Variants in NSMCE2 observed in about 807,000 individuals in gnomAD.
The protein encoded by NSMCE2 is NSE2 SUMO ligase component of SMC5/6 complex, also known as E3 SUMO-protein ligase NSE2.
NSMCE2 carries 24 observed loss-of-function variants against 23.8 expected under a neutral mutation model. The observed-to-expected ratio is 1.01, with a 90% CI of 0.73 to 1.42. The LOEUF (loss-of-function observed/expected upper bound fraction) is 1.42. Among genes scored for constraint, NSMCE2 ranks in the 40% most tolerant of loss-of-function variants. The pLI is 0.00. For missense variants in NSMCE2, 284 were observed against 296.5 expected, an observed-to-expected ratio of 0.96 and a Z score of 0.31; for synonymous variants, 92 against 94.1, an observed-to-expected ratio of 0.98 and a Z score of 0.13.
chr8:125,281,032 G>A (rs184275316), intron 5 of NSMCE2, among the ~76,000 whole-genome samples: 338 of 152,288 alleles, frequency 2.2e-3, no homozygotes, highest in African/African-American at 7.7e-3. Context: ...AGAATGGGTC[G>A]GTGAATGCAG....
intron 5 of NSMCE2, among the ~76,000 whole-genome samples, chr8:125,304,236 T>C (rs1345604186): frequency 2.0e-5 from 3 of 152,202 alleles, no homozygotes; most frequent in African/African-American, 7.2e-5. Context: ...TTCATTTGCA[T>C]TGTTGTGATG....
chr8:125,250,124 G>A (rs970287402), intron 5 of NSMCE2, among the ~76,000 whole-genome samples: 3 of 152,100 alleles, frequency 2.0e-5, no homozygotes, highest in Admixed American at 6.6e-5. Flanking sequence ...CAAGTAGCTG[G>A]TACTACAGTC....
rs1270010891 is a variant in NSMCE2, at chr8:125,154,131, T to A, written c.264+2854T>A. 2.6e-5 allele frequency among the ~76,000 whole-genome samples: 4 copies of A among 152,216 alleles called. No homozygotes were observed. The East Asian group carries it at 7.7e-4, about 29-fold the overall frequency. On this transcript the variant is annotated intron_variant, in intron 4 of 7. Coordinates refer to ENST00000287437, the MANE Select transcript of NSMCE2 (RefSeq NM_173685.4). ...ACTTTTGCAAATTGCGATACTTCCG[T>A]TACTATAATATTTGCCTAGATTCAA...
rs149117071 is a variant in NSMCE2 at position 125,136,061 on chromosome 8, C to G, written c.158-15110C>G. On this transcript the variant is annotated intron_variant, in intron 3 of 7. Transcript: ENST00000287437. ...TTCTAGTCACTCTTGTTCTTTCCTC[C>G]TTGCATGATGATGTCCAGTATCTTA... 4.6e-3 allele frequency among the ~76,000 whole-genome samples: 703 copies of G among 152,290 alleles called. 4 individuals are homozygous for G. Among genetic ancestry groups the G allele is most frequent in the African/African-American group, 0.016 (680 of 41,556 alleles).
intron 5 of NSMCE2, among the ~76,000 whole-genome samples, chr8:125,188,188 T>C (rs1318745046): frequency 6.6e-6 from 1 of 152,240 alleles, no homozygotes; most frequent in African/African-American, 2.4e-5. Flanking sequence ...TTAAGTCTTC[T>C]CAGGAACATT....
At chr8:125,286,033 A>G (rs187521331) in intron 5 of NSMCE2, among the ~76,000 whole-genome samples, 339 of 151,926 alleles carry the variant, frequency 2.2e-3, no homozygotes, top group African/African-American at 7.8e-3. Context: ...AGAACAGTCC[A>G]CTAGCAGCAC....
intron 4 of NSMCE2, among the ~76,000 whole-genome samples, chr8:125,159,986 G>A (rs1465816961): frequency 6.6e-6 from 1 of 151,880 alleles, no homozygotes; most frequent in African/African-American, 2.4e-5. Context: ...TGTTCAGTTG[G>A]TGCCAATAGT....
At chr8:125,352,959 C>G (rs114290256) in intron 5 of NSMCE2, among the ~76,000 whole-genome samples, 5 of 152,152 alleles carry the variant, frequency 3.3e-5, no homozygotes, top group African/African-American at 1.2e-4. Context: ...CTTACTCACT[C>G]GTGACATTCT....
chr8:125,364,052 T>C (rs186178457), intron 7 of NSMCE2, among the ~76,000 whole-genome samples: 1 of 152,216 alleles, frequency 6.6e-6, no homozygotes, highest in African/African-American at 2.4e-5. Context: ...CAAGTGATTT[T>C]CCTGCCTCAG....
At chr8:125,279,428 T>G (rs555575159) in intron 5 of NSMCE2, among the ~76,000 whole-genome samples, 15 of 152,208 alleles carry the variant, frequency 9.9e-5, no homozygotes, top group Admixed American at 5.2e-4. Flanking sequence ...TTCTCACAAG[T>G]AAATGTATAA....
At chr8:125,285,020 G>A (rs1586719001) in intron 5 of NSMCE2, among the ~76,000 whole-genome samples, 2 of 152,182 alleles carry the variant, frequency 1.3e-5, no homozygotes, top group Non-Finnish European at 1.5e-5. Flanking sequence ...TGAATGATGC[G>A]GCATGAAAAG....
chr8:125,278,823 T>A (rs758991633), intron 5 of NSMCE2, among the ~76,000 whole-genome samples: 2 of 152,172 alleles, frequency 1.3e-5, no homozygotes, highest in African/African-American at 2.4e-5. Flanking sequence ...TAACTATGCA[T>A]AATATTGATA....
intron 5 of NSMCE2, among the ~76,000 whole-genome samples, chr8:125,283,567 T>G (rs1485099611): frequency 6.6e-6 from 1 of 152,214 alleles, no homozygotes; most frequent in East Asian, 1.9e-4. Context: ...CCATTTTGCC[T>G]CTTAGTGTCT....
At chr8:125,164,579 A>C (rs1821779274) in intron 4 of NSMCE2, among the ~76,000 whole-genome samples, 1 of 152,194 alleles carries the variant, frequency 6.6e-6, no homozygotes, top group African/African-American at 2.4e-5. Flanking sequence ...ATTCTATTAG[A>C]ATTAAGGAAC....
intron 4 of NSMCE2, among the ~76,000 whole-genome samples, chr8:125,166,512 C>T (rs1040895541): frequency 1.1e-4 from 17 of 152,204 alleles, no homozygotes; most frequent in African/African-American, 3.9e-4. Context: ...AGCGATCTCC[C>T]CGCTTTGGCC....
intron 3 of NSMCE2, among the ~76,000 whole-genome samples, chr8:125,132,539 C>G (rs1197747736): frequency 6.6e-6 from 1 of 151,858 alleles, no homozygotes. Context: ...GTTGCCCAGG[C>G]TGGAGTACAC....
intron 5 of NSMCE2, among the ~76,000 whole-genome samples, chr8:125,232,358 C>T (rs1300083286): frequency 6.7e-6 from 1 of 149,552 alleles, no homozygotes; most frequent in Non-Finnish European, 1.5e-5. Flanking sequence ...AGTGAAACTC[C>T]GTCTCAAAAA....
intron 3 of NSMCE2, among the ~76,000 whole-genome samples, chr8:125,140,210 A>G (rs1820290091): frequency 6.6e-6 from 1 of 152,228 alleles, no homozygotes; most frequent in African/African-American, 2.4e-5. Flanking sequence ...GGGAAACCCC[A>G]TGATTCAGTA....
At chr8:125,094,710 G>A (rs1817844496) in intron 1 of NSMCE2, among the ~76,000 whole-genome samples, 1 of 152,236 alleles carries the variant, frequency 6.6e-6, no homozygotes, top group South Asian at 2.1e-4. Context: ...CTGGAGGCCA[G>A]AAGTTCAAGG....
Sources: allele counts gnomAD v4.1 joint callset (sites outside exome capture counted in the v4.1 genomes callset), GRCh38; gene constraint gnomAD v4.1.1; transcripts MANE v1.5; gene names NCBI Gene and HGNC (gene_info 2026-07-23, HGNC 2026-07-21).